Variants in LRRC7 observed in about 807,000 individuals in gnomAD.
The protein encoded by LRRC7 is leucine rich repeat containing 7.
In LRRC7, 23 loss-of-function variants were observed where a neutral mutation model predicts 175.7. That is an observed-to-expected ratio of 0.13 (90% CI 0.09 to 0.19). The LOEUF is 0.19. Among genes scored for constraint, LRRC7 ranks in the 10% least tolerant of loss-of-function variants. The pLI is 1.00. For synonymous variants in LRRC7, 685 were observed against 680.9 expected (o/e 1.01, Z -0.09); for missense variants, 1,354 against 1,904.7 (o/e 0.71, Z 5.38).
At chr1:69,646,970 T>G (rs1655091058) in intron 1 of LRRC7, among the ~76,000 whole-genome samples, 1 of 152,044 alleles carries the variant, frequency 6.6e-6, no homozygotes, top group African/African-American at 2.4e-5. Context: ...AGAGCTGGCC[T>G]ACGTCATTCT....
intron 8 of LRRC7, among the ~76,000 whole-genome samples, chr1:69,967,943 A>G (rs1279539071): frequency 6.6e-6 from 1 of 152,132 alleles, no homozygotes; most frequent in Non-Finnish European, 1.5e-5. Flanking sequence ...ATGGATCCAA[A>G]CCAAGATGAA....
chr1:69,603,010 C>T (rs923316017), intron 1 of LRRC7, among the ~76,000 whole-genome samples: 3 of 152,178 alleles, frequency 2.0e-5, no homozygotes, highest in African/African-American at 7.2e-5. Context: ...CACACAATAA[C>T]AAAATTGCCT....
At chr1:69,857,898 C>T (rs1040911887) in intron 7 of LRRC7, among the ~76,000 whole-genome samples, 14 of 152,030 alleles carry the variant, frequency 9.2e-5, no homozygotes, top group Admixed American at 9.2e-4. Flanking sequence ...GCATGGTACT[C>T]GTACCAAAAC....
At chr1:69,868,190 T>C (rs1433812785) in intron 7 of LRRC7, among the ~76,000 whole-genome samples, 1 of 152,074 alleles carries the variant, frequency 6.6e-6, no homozygotes, top group Non-Finnish European at 1.5e-5. Context: ...GCTCAAAAGA[T>C]AATATTAAAT....
Position 70,038,851 on chromosome 1 carries a change from G to C in LRRC7, c.3027G>C (p.Gly1009=), listed in dbSNP as rs768645729. Residue 1009 remains glycine, a synonymous_variant, in exon 21 of 27, where the codon GGG becomes GGC. Coordinates refer to ENST00000651989, the MANE Select transcript of LRRC7 (RefSeq NM_001370785.2). ...YNIPLENYAS[G]SDHLGSHERP... ...TACCATTAGAAAACTATGCTTCTGGGAGTGATCACTTAGGAAGCCACGAAC... is the reference window on the plus strand; with the variant it reads ...TACCATTAGAAAACTATGCTTCTGGCAGTGATCACTTAGGAAGCCACGAAC... 3 of 1,613,892 alleles carry C rather than the reference G, an allele frequency of 1.9e-6. No individual in the cohort carries two copies. The highest frequency in any genetic ancestry group is 2.5e-6 in the Non-Finnish European group (3 of 1,180,004).
Position 69,904,184 on chromosome 1 carries a change from A to G in LRRC7, c.648-27323A>G, listed in dbSNP as rs1570581632. ...TAATCTCTAGGAATATCTTACATAGAAGGAATAACTGTGTGGAGTCATAAA... is the reference window on the plus strand; with the variant it reads ...TAATCTCTAGGAATATCTTACATAGGAGGAATAACTGTGTGGAGTCATAAA... On this transcript the variant is annotated intron_variant, in intron 7 of 26. Coordinates refer to ENST00000651989, the MANE Select transcript of LRRC7 (RefSeq NM_001370785.2). Among the ~76,000 whole-genome samples, 5 of 152,188 alleles carry G rather than the reference A, an allele frequency of 3.3e-5. No homozygotes were observed. In the South Asian group the frequency reaches 8.3e-4, roughly 25 times the overall value.
chr1:70,040,484 A>G (rs1458938709), intron 21 of LRRC7, among the ~76,000 whole-genome samples: 2 of 152,356 alleles, frequency 1.3e-5, no homozygotes, highest in East Asian at 1.9e-4. Context: ...ATTAGTATGT[A>G]TATTGCAGCA....
rs1666335466 is a variant in LRRC7 at position 70,124,096 on chromosome 1, T to C, written c.*2209T>C. ...TTGTCCTGAGCCACTTCTTTAGTAC[T>C]TCCTGTTCTGCAGTTCAGAAATGAG... On this transcript the variant is annotated 3_prime_UTR_variant, in exon 27 of 27. Coordinates refer to ENST00000651989, the MANE Select transcript of LRRC7 (RefSeq NM_001370785.2). 6.6e-6 allele frequency among the ~76,000 whole-genome samples: 1 copy of C among 152,218 alleles called. No individual in the cohort carries two copies. The highest frequency in any genetic ancestry group is 2.4e-5 in the African/African-American group (1 of 41,458).
chr1:69,845,809 G>A (rs1448183421), intron 7 of LRRC7, among the ~76,000 whole-genome samples: 2 of 152,002 alleles, frequency 1.3e-5, no homozygotes, highest in Non-Finnish European at 2.9e-5. Context: ...TATTAACTCT[G>A]TATTTGTAAT....
chr1:69,621,651 GTTATA>G (rs1271422601), intron 1 of LRRC7, among the ~76,000 whole-genome samples: 1 of 152,032 alleles, frequency 6.6e-6, no homozygotes, highest in Non-Finnish European at 1.5e-5. Flanking sequence ...GCCTTGTCAG[GTTATA>G]TTATATTTAT....
At chr1:69,909,004 G>C (rs1646423806) in intron 7 of LRRC7, among the ~76,000 whole-genome samples, 2 of 151,846 alleles carry the variant, frequency 1.3e-5, no homozygotes, top group Admixed American at 1.3e-4. Context: ...TTGTTGAATT[G>C]ATCCCTTTAC....
chr1:69,735,233 C>T (rs1008309809), intron 2 of LRRC7, among the ~76,000 whole-genome samples: 14 of 151,792 alleles, frequency 9.2e-5, no homozygotes, highest in Non-Finnish European at 2.1e-4. Context: ...TTAAATTTCC[C>T]CAGTGGTCCC....
intron 26 of LRRC7, among the ~76,000 whole-genome samples, chr1:70,112,705 C>G (rs1172334356): frequency 6.6e-6 from 1 of 152,000 alleles, no homozygotes; most frequent in Non-Finnish European, 1.5e-5. Context: ...GCAGGGTGCA[C>G]TGGGGATCAT....
chr1:69,937,873 C>T (rs1042007420), intron 8 of LRRC7, among the ~76,000 whole-genome samples: 2 of 151,724 alleles, frequency 1.3e-5, no homozygotes, highest in South Asian at 2.1e-4. Flanking sequence ...GCTTTCTTAC[C>T]TTTTTACATA....
intron 8 of LRRC7, among the ~76,000 whole-genome samples, chr1:69,936,013 T>C (rs1647979978): frequency 2.0e-5 from 3 of 152,142 alleles, no homozygotes; most frequent in South Asian, 4.1e-4. Context: ...GTATTTTTTT[T>C]CCAGAGACTC....
In LRRC7 at chr1:70,121,819, G is replaced by T. The variant is rs748027043; in HGVS notation, c.4660G>T (p.Ala1554Ser). 1 of 1,612,558 alleles carries T rather than the reference G, an allele frequency of 6.2e-7. No individual in the cohort carries two copies. ...HSFVHMEHEK[A>S]VLLLKSFQNT... The stretch of plus-strand genomic sequence containing the variant: ...TTTTGTACATATGGAACATGAAAAA[G>T]CTGTATTACTACTGAAGAGTTTCCA... Residue 1554 changes from alanine (A) to serine (S), a missense_variant, in exon 27 of 27, where the codon GCT becomes TCT. Physicochemically the swap from Ala to Ser is moderately conservative, Grantham distance 99 (BLOSUM62 1). This residue lies in a region of LRRC7 where 53 missense variants were observed against 112.6 expected (regional missense o/e 0.47). Coordinates refer to ENST00000651989, the MANE Select transcript of LRRC7 (RefSeq NM_001370785.2).
intron 1 of LRRC7, among the ~76,000 whole-genome samples, chr1:69,651,331 A>G (rs1655796195): frequency 6.6e-6 from 1 of 152,218 alleles, no homozygotes; most frequent in African/African-American, 2.4e-5. Context: ...AAGAGCAACT[A>G]TAACTTTCTC....
intron 3 of LRRC7, among the ~76,000 whole-genome samples, chr1:69,777,173 G>T (rs1672906137): frequency 6.6e-6 from 1 of 152,166 alleles, no homozygotes; most frequent in Non-Finnish European, 1.5e-5. Context: ...TAACACTTGG[G>T]AGGAATGGGG....
chr1:69,821,522 C>A (rs906696565), intron 4 of LRRC7, among the ~76,000 whole-genome samples: 1 of 152,032 alleles, frequency 6.6e-6, no homozygotes, highest in East Asian at 1.9e-4. Context: ...CCTCTTGTAG[C>A]TTACTTAGCT....
Sources: allele counts gnomAD v4.1 joint callset (sites outside exome capture counted in the v4.1 genomes callset), GRCh38; gene constraint gnomAD v4.1.1; regional missense constraint gnomAD v4.1.1; transcripts MANE v1.5; gene names NCBI Gene and HGNC (gene_info 2026-07-23, HGNC 2026-07-21).